OCA2: variants seen among roughly 807,000 people sequenced by gnomAD.
The protein encoded by OCA2 is P protein.
A neutral mutation model predicts 100.2 loss-of-function variants in OCA2; 77 were observed. The observed-to-expected ratio is 0.77, with a 90% CI of 0.64 to 0.93. OCA2 has a LOEUF of 0.93. Among genes scored for constraint, OCA2 ranks in the 40% least tolerant of loss-of-function variants. The pLI, the probability that OCA2 is intolerant of heterozygous loss-of-function variation, is 0.00. For missense variants in OCA2, 1,062 were observed against 1,089.1 expected (o/e 0.98, Z 0.35); for synonymous variants, 432 against 439.2 (o/e 0.98, Z 0.21).
intron 2 of OCA2, among the ~76,000 whole-genome samples, chr15:28,069,684 G>A (rs1226396776): frequency 6.2e-5 from 9 of 146,298 alleles, no homozygotes; most frequent in East Asian, 2.1e-4. Context: ...GATTGCAGAC[G>A]GAGTCTCGTT....
intron 17 of OCA2, among the ~76,000 whole-genome samples, chr15:27,954,717 GA>G (rs2040160194): frequency 6.7e-6 from 1 of 149,466 alleles, no homozygotes; most frequent in African/African-American, 2.4e-5. Context: ...CAAAACAAAA[GA>G]AAACAAGCTC....
chr15:27,886,838 C>T (rs1490059363), intron 19 of OCA2, among the ~76,000 whole-genome samples: 1 of 152,146 alleles, frequency 6.6e-6, no homozygotes, highest in African/African-American at 2.4e-5. Context: ...AAGCAAGAGG[C>T]AACTAAAGGA....
rs959966239 is a variant in OCA2 at position 27,983,336 on chromosome 15, G to T, written c.1503+9C>A. The T allele has an allele frequency of 6.2e-7, 1 of 1,613,984 alleles. No homozygotes were observed. ...TTACTGGAAGCAACCCTAGCATGCTGGTACGTACCATCTTCCTCAGCTCTT... is the reference window on the plus strand; with the variant it reads ...TTACTGGAAGCAACCCTAGCATGCTTGTACGTACCATCTTCCTCAGCTCTT... On this transcript the variant is annotated intron_variant, in intron 14 of 23. Coordinates refer to ENST00000354638, the MANE Select transcript of OCA2 (RefSeq NM_000275.3).
At position 27,824,602 on chromosome 15, in the gene OCA2, CTATATA is replaced by C. The variant is rs142689690; in HGVS notation, c.2432+20351_2432+20356del. The stretch of plus-strand genomic sequence containing the variant: ...TTTCTCTCTCTCTCTCTCTCTCTCT[CTATATA>C]TATATATATATATAATATAATATAT... On this transcript the variant is annotated intron_variant, in intron 23 of 23. Transcript: ENST00000354638. Among the ~76,000 whole-genome samples the C allele has an allele frequency of 2.1e-3, 98 of 47,606 alleles. 7 individuals carry two copies. The highest frequency in any genetic ancestry group is 0.015 in the African/African-American group (98 of 6,332). The allele number at this position is 47,606 out of a possible 152,430, so 31.2% of individuals were successfully genotyped here.
chr15:27,989,523 AC>A, intron 11 of OCA2, 77 bp downstream of exon 11: 2 of 1,136,600 alleles, frequency 1.8e-6, no homozygotes, highest in Non-Finnish European at 2.7e-6. Flanking sequence ...ATAATGAAGG[AC>A]CCTCAGCGGT....
intron 23 of OCA2, among the ~76,000 whole-genome samples, chr15:27,817,580 C>T (rs181136144): frequency 3.3e-5 from 5 of 152,264 alleles, no homozygotes; most frequent in Admixed American, 1.3e-4. Flanking sequence ...CCCAACCAAT[C>T]GACCACTCCA....
intron 18 of OCA2, among the ~76,000 whole-genome samples, chr15:27,940,445 A>T (rs1376647170): frequency 6.6e-6 from 1 of 152,208 alleles, no homozygotes; most frequent in Non-Finnish European, 1.5e-5. Context: ...TGTCAGTTCT[A>T]TCCCCTGTCT....
chr15:27,959,841 C>T (rs1219093637), intron 15 of OCA2, among the ~76,000 whole-genome samples: 1 of 152,244 alleles, frequency 6.6e-6, no homozygotes, highest in Non-Finnish European at 1.5e-5. Flanking sequence ...TGCTGCTCCA[C>T]TCAGATCAAC....
intron 19 of OCA2, among the ~76,000 whole-genome samples, chr15:27,885,614 C>A (rs1268804370): frequency 6.6e-6 from 1 of 152,202 alleles, no homozygotes; most frequent in Non-Finnish European, 1.5e-5. Context: ...CCTCACAGAA[C>A]CTGTGAAAAT....
intron 19 of OCA2, among the ~76,000 whole-genome samples, chr15:27,874,035 C>T (rs1009720847): frequency 6.6e-6 from 1 of 152,212 alleles, no homozygotes; most frequent in Non-Finnish European, 1.5e-5. Flanking sequence ...GCTGATTCAG[C>T]AATGACCTGA....
chr15:27,886,646 G>C (rs1274332873), intron 19 of OCA2, among the ~76,000 whole-genome samples: 1 of 152,092 alleles, frequency 6.6e-6, no homozygotes, highest in African/African-American at 2.4e-5. Flanking sequence ...AGGCATAACA[G>C]CAAATATTTT....
chr15:27,866,315 C>T (rs1299084289), intron 21 of OCA2, among the ~76,000 whole-genome samples: 4 of 152,112 alleles, frequency 2.6e-5, no homozygotes, highest in African/African-American at 9.7e-5. Flanking sequence ...GAGGTGGCAC[C>T]ACATCACTGA....
At chr15:28,051,595 CTTTTTTT>C (rs11292828) in intron 2 of OCA2, among the ~76,000 whole-genome samples, 4 of 82,484 alleles carry the variant, frequency 4.8e-5, no homozygotes, top group African/African-American at 1.5e-4. Flanking sequence ...CCTGGCCTTC[CTTTTTTT>C]TTTTTTTTTT....
chr15:28,020,424 G>A (rs1228382410), intron 6 of OCA2, among the ~76,000 whole-genome samples: 4 of 152,026 alleles, frequency 2.6e-5, no homozygotes, highest in South Asian at 2.1e-4. Context: ...CACTGAGGAC[G>A]GTTTCTGGAC....
chr15:28,080,524 C>T (rs2044585868), intron 2 of OCA2, among the ~76,000 whole-genome samples: 1 of 152,230 alleles, frequency 6.6e-6, no homozygotes, highest in African/African-American at 2.4e-5. Context: ...TCACCACTTG[C>T]AAAAGGACAG....
intron 23 of OCA2, among the ~76,000 whole-genome samples, chr15:27,826,168 C>T (rs1298519343): frequency 6.6e-6 from 1 of 152,204 alleles, no homozygotes; most frequent in Non-Finnish European, 1.5e-5. Context: ...GCACAGTGTT[C>T]TGGGAGACAG....
chr15:27,850,835 C>G (rs1041094352), intron 22 of OCA2, among the ~76,000 whole-genome samples: 1 of 152,158 alleles, frequency 6.6e-6, no homozygotes, highest in African/African-American at 2.4e-5. Context: ...AGGACTCCCC[C>G]GCTGTTCTCT....
chr15:28,017,096 G>A (rs1189801702), intron 7 of OCA2, among the ~76,000 whole-genome samples: 5 of 152,094 alleles, frequency 3.3e-5, no homozygotes, highest in Non-Finnish European at 7.4e-5. Context: ...ATGGGAAGAT[G>A]CGAATCTCGC....
chr15:28,081,726 G>C lies in OCA2; in HGVS notation c.149C>G (p.Ser50Cys), dbSNP rs549983090. ...RGAGGADPSH[S>C]CPRGAAGQSS... ...CTGCCCGGCAGCCCCCCTGGGGCAG[G>C]AGTGCGAGGGGTCAGCTCCACCGGC... Residue 50 changes from serine to cysteine, a missense_variant, in exon 2 of 24, where the codon TCC becomes TGC. By Grantham distance (112) the Ser-to-Cys change is moderately radical. Transcript: ENST00000354638. 3 of 1,613,696 alleles carry C rather than the reference G, an allele frequency of 1.9e-6. No individual in the cohort carries two copies. The highest frequency in any genetic ancestry group is 1.3e-5 in the African/African-American group (1 of 75,074).
Sources: gnomAD v4.1 joint callset for allele counts (sites outside exome capture counted in the v4.1 genomes callset) on GRCh38, gnomAD v4.1.1 for gene constraint, MANE v1.5 for transcripts, NCBI Gene and HGNC (gene_info 2026-07-23, HGNC 2026-07-21) for gene names.